Variants in TNFRSF19 observed in about 807,000 individuals in gnomAD.
TNFRSF19 encodes tumor necrosis factor receptor superfamily member 19.
Under a neutral mutation model 46.4 loss-of-function variants are expected in TNFRSF19, and 27 were observed. That is an observed-to-expected ratio of 0.58 (90% CI 0.43 to 0.80). The LOEUF is 0.80. Ranked by LOEUF, TNFRSF19 falls within the 30% of genes least tolerant of loss-of-function variation. The pLI is 0.00. For synonymous variants in TNFRSF19, 204 were observed against 205.0 expected (o/e 1.00, Z 0.04); for missense variants, 511 against 530.8 (o/e 0.96, Z 0.37).
rs979760557 is a variant in TNFRSF19 at position 23,667,922 on chromosome 13, T to G, written c.737-58T>G. On this transcript the variant is annotated intron_variant, in intron 7 of 9. Transcript: ENST00000248484. ...TCCGAGAGCAGTGTTGAAGTGTTAT[T>G]AAAGTGAAAGCTGCCAGAAGGAGGC... 3.1e-5 allele frequency: 45 copies of G among 1,433,234 alleles called. No homozygotes were observed. In the African/African-American group the frequency reaches 6.3e-4, roughly 20 times the overall value. 88.8% of individuals were successfully genotyped at this position (1,433,234 alleles called of 1,614,324 possible). A position where few individuals can be genotyped will look rare whatever the true frequency, so the allele number is the denominator to read the frequency against.
intron 8 of TNFRSF19, 25 bp from the exon 9 acceptor site, chr13:23,668,667 T>G (rs368852693): frequency 6.3e-7 from 1 of 1,588,080 alleles, no homozygotes; most frequent in South Asian, 1.2e-5. Context: ...TCAAAAACTT[T>G]AAGTTCTTTT....
intron 3 of TNFRSF19, among the ~76,000 whole-genome samples, chr13:23,594,877 C>T (rs1879599692): frequency 6.6e-6 from 1 of 152,228 alleles, no homozygotes; most frequent in South Asian, 2.1e-4. Context: ...TGGCTGGCAT[C>T]TGGTGGGTGC....
chr13:23,595,247 C>G (rs1316492711), intron 3 of TNFRSF19, among the ~76,000 whole-genome samples: 1 of 152,146 alleles, frequency 6.6e-6, no homozygotes, highest in Non-Finnish European at 1.5e-5. Flanking sequence ...ACAAAACTGG[C>G]AGAGAATGAG....
chr13:23,629,916 G>A (rs2138301649), intron 5 of TNFRSF19, among the ~76,000 whole-genome samples: 2 of 152,220 alleles, frequency 1.3e-5, no homozygotes, highest in Middle Eastern at 6.8e-3. Flanking sequence ...GGTGCATCTG[G>A]CTCTGATGTT....
At chr13:23,571,785 G>A (rs755701811) in intron 1 of TNFRSF19, among the ~76,000 whole-genome samples, 2 of 151,056 alleles carry the variant, frequency 1.3e-5, no homozygotes, top group Non-Finnish European at 3.0e-5. Context: ...ACACACTCAC[G>A]CTCACACACA....
chr13:23,616,263 T>C (rs1881281015), intron 4 of TNFRSF19, among the ~76,000 whole-genome samples: 1 of 152,116 alleles, frequency 6.6e-6, no homozygotes, highest in African/African-American at 2.4e-5. Context: ...TGAATAGGCA[T>C]GCTAACAAAG....
At chr13:23,671,007 G>A (rs3829348) in intron 9 of TNFRSF19, among the ~76,000 whole-genome samples, 126,797 of 152,216 alleles carry the variant, frequency 0.83, 53,086 homozygotes, top group Non-Finnish European at 0.88. Context: ...GGAATGAAAC[G>A]TCTTCATACG....
chr13:23,610,540 G>A (rs1276324321), intron 3 of TNFRSF19, among the ~76,000 whole-genome samples: 1 of 148,690 alleles, frequency 6.7e-6, no homozygotes, highest in Non-Finnish European at 1.5e-5. Flanking sequence ...CCATCCTGCA[G>A]CCCAGGAGGA....
intron 3 of TNFRSF19, among the ~76,000 whole-genome samples, chr13:23,614,746 C>CATACATATATATATAT (rs773633456): frequency 3.0e-5 from 4 of 134,864 alleles, no homozygotes; most frequent in African/African-American, 2.8e-5. Context: ...ATAAGTAATA[C>CATACATATATATATAT]ATATATATAT....
chr13:23,592,711 T>A (rs561267978), intron 2 of TNFRSF19, among the ~76,000 whole-genome samples: 22 of 152,328 alleles, frequency 1.4e-4, no homozygotes, highest in African/African-American at 4.8e-4. Flanking sequence ...GGTGTCCTGA[T>A]TGTTAGAAAT....
At position 23,668,664 on chromosome 13, in the gene TNFRSF19, C is replaced by CT. The variant is rs772601135; in HGVS notation, c.840-25dup. 4 of 1,586,058 alleles carry CT rather than the reference C, an allele frequency of 2.5e-6. No homozygotes were observed. In the African/African-American group the frequency reaches 4.1e-5, roughly 16 times the overall value. ...GTAGTGTTTTTCTCCCCATCAAAAA[C>CT]TTTAAGTTCTTTTGAACGTGTGTGC... On this transcript the variant is annotated intron_variant, in intron 8 of 9. Transcript: ENST00000248484.
rs959785829 is a variant in TNFRSF19 at position 23,624,322 on chromosome 13, G to A, written c.360-2385G>A. Among the ~76,000 whole-genome samples the A allele has an allele frequency of 5.9e-5, 9 of 151,502 alleles. No individual in the cohort carries two copies. The South Asian group carries it at 1.0e-3, about 18-fold the overall frequency. ...TTGAAATCAGGAAGTATGAGTCCTC[G>A]AACTTTGTTTTTTTTTTTAATTTTT... On this transcript the variant is annotated intron_variant, in intron 4 of 9. Coordinates refer to ENST00000248484, the MANE Select transcript of TNFRSF19 (RefSeq NM_148957.4).
chr13:23,587,088 TG>T (rs1302019185), intron 1 of TNFRSF19, among the ~76,000 whole-genome samples: 2 of 152,154 alleles, frequency 1.3e-5, no homozygotes, highest in Admixed American at 1.3e-4. Context: ...TTGTATGGCT[TG>T]TGCTTGCTAA....
rs1327475363 is a variant in TNFRSF19 at position 23,668,094 on chromosome 13, C to T, written c.839+12C>T. 1.3e-6 allele frequency: 2 copies of T among 1,588,666 alleles called. No individual in the cohort carries two copies. Among genetic ancestry groups the T allele is most frequent in the Non-Finnish European group, 1.7e-6 (2 of 1,167,104 alleles). On this transcript the variant is annotated intron_variant, in intron 8 of 9. Coordinates refer to ENST00000248484, the MANE Select transcript of TNFRSF19 (RefSeq NM_148957.4). ...AGTCTTCAGGCAAGGTAACTAGGTG[C>T]TTTCAATCAATCATTTCATAACCCC...
At chr13:23,586,789 G>A (rs1878877692) in intron 1 of TNFRSF19, among the ~76,000 whole-genome samples, 1 of 152,176 alleles carries the variant, frequency 6.6e-6, no homozygotes, top group Non-Finnish European at 1.5e-5. Context: ...CTCTGCACTT[G>A]GGGTTTGTGT....
chr13:23,589,476 C>T lies in TNFRSF19; in HGVS notation c.-34-674C>T, dbSNP rs559863524. 8.2e-4 allele frequency among the ~76,000 whole-genome samples: 125 copies of T among 152,292 alleles called. 1 individual carries two copies. The highest frequency in any genetic ancestry group is 2.7e-3 in the African/African-American group (113 of 41,556). On this transcript the variant is annotated intron_variant, in intron 1 of 9. Coordinates refer to ENST00000248484, the MANE Select transcript of TNFRSF19 (RefSeq NM_148957.4). Reference sequence around the variant, plus strand: ...TTGTCTGTCTGCTTCTTAGTGAAGACGAAGTTGTCAAGATACAAGCCTGGT... The same window carrying T: ...TTGTCTGTCTGCTTCTTAGTGAAGATGAAGTTGTCAAGATACAAGCCTGGT...
chr13:23,602,468 G>A (rs1880227701), intron 3 of TNFRSF19, among the ~76,000 whole-genome samples: 1 of 152,110 alleles, frequency 6.6e-6, no homozygotes, highest in African/African-American at 2.4e-5. Flanking sequence ...CAGGCAGAAA[G>A]TCAATATGGA....
At chr13:23,658,929 T>TTA in intron 5 of TNFRSF19, 121 bp from the exon 6 acceptor site, 1 of 1,295,980 alleles carries the variant, frequency 7.7e-7, no homozygotes, top group South Asian at 1.3e-5. Flanking sequence ...CATCTTTAAA[T>TTA]ATCTCATGCC....
At chr13:23,608,989 G>A (rs552464865) in intron 3 of TNFRSF19, among the ~76,000 whole-genome samples, 119 of 152,306 alleles carry the variant, frequency 7.8e-4, no homozygotes, top group African/African-American at 2.7e-3. Flanking sequence ...TGCCCTGGGC[G>A]TTCTGAGCAG....
Sources: gnomAD v4.1 joint callset for allele counts (sites outside exome capture counted in the v4.1 genomes callset) on GRCh38, gnomAD v4.1.1 for gene constraint, MANE v1.5 for transcripts, NCBI Gene and HGNC (gene_info 2026-07-23, HGNC 2026-07-21) for gene names.